The following PSD4 variants were observed in gnomAD, a reference collection of about 807,000 sequenced individuals.
PSD4 encodes the protein PH and SEC7 domain-containing protein 4.
A neutral mutation model predicts 112.5 loss-of-function variants in PSD4; 59 were observed. The observed-to-expected ratio is 0.52, with a 90% CI of 0.43 to 0.65. The LOEUF is 0.65. PSD4 is among the 30% of genes least tolerant of loss of function. PSD4 has a pLI of 0.00. For synonymous variants in PSD4, 533 were observed against 540.0 expected, an observed-to-expected ratio of 0.99 and a Z score of 0.18; for missense variants, 1,267 against 1,352.6, an observed-to-expected ratio of 0.94 and a Z score of 0.99.
rs116552229 is a variant in PSD4, at chr2:113,176,905, G to A, written c.-112+2851G>A. The stretch of plus-strand genomic sequence containing the variant: ...CAGACCGCCCTCACCTGGGTGACCG[G>A]TAGGACTGCCTTTTTGGCCTTAGGA... On this transcript the variant is annotated intron_variant, in intron 1 of 16. Coordinates refer to ENST00000245796, the MANE Select transcript of PSD4 (RefSeq NM_012455.3). 7.9e-3 allele frequency among the ~76,000 whole-genome samples: 1,198 copies of A among 152,282 alleles called. 20 individuals are homozygous for A. Among genetic ancestry groups the A allele is most frequent in the African/African-American group, 0.027 (1,116 of 41,546 alleles).
chr2:113,186,394 A>C (rs1248326951), intron 5 of PSD4, 139 bp downstream of exon 5: 1 of 961,164 alleles, frequency 1.0e-6, no homozygotes. Flanking sequence ...ATGAGTGGGT[A>C]CCAGGAAGAG....
At chr2:113,199,327 G>A (rs1404792984) in intron 16 of PSD4, 101 bp downstream of exon 16, 27 of 1,264,064 alleles carry the variant, frequency 2.1e-5, no homozygotes, top group Non-Finnish European at 2.7e-5. Context: ...ACCGCGCCGG[G>A]GCGGGGAGAG....
chr2:113,198,110 C>A (rs1337260270), intron 14 of PSD4, 197 bp downstream of exon 14: 1 of 688,522 alleles, frequency 1.5e-6, no homozygotes, highest in Non-Finnish European at 2.2e-6. Context: ...CGCCTACTTC[C>A]TCCCCATCCT....
intron 9 of PSD4, 54 bp downstream of exon 9, chr2:113,193,704 GGGA>G (rs1159310077): frequency 1.1e-5 from 18 of 1,583,130 alleles, no homozygotes; most frequent in Middle Eastern, 1.7e-4. Flanking sequence ...AAGGGGTGCG[GGGA>G]GGAGAAGACC....
At position 113,186,755 on chromosome 2, in the gene PSD4, C is replaced by A. The variant is rs186057013; in HGVS notation, c.1628+500C>A. On this transcript the variant is annotated intron_variant, in intron 5 of 16. Transcript: ENST00000245796. Reference sequence around the variant, plus strand: ...CATCAAGTGGAGGTTTGATGGGGACCAAGGGAATGGATCTTGGGGCCCAAC... The same window carrying A: ...CATCAAGTGGAGGTTTGATGGGGACAAAGGGAATGGATCTTGGGGCCCAAC... 2.6e-4 allele frequency among the ~76,000 whole-genome samples: 40 copies of A among 152,212 alleles called. No individual in the cohort carries two copies. In the East Asian group the frequency reaches 7.5e-3, roughly 29 times the overall value.
At position 113,185,839 on chromosome 2, in the gene PSD4, C is replaced by T. The variant is rs377406674; in HGVS notation, c.1250-38C>T. 3,009 of 1,588,370 alleles carry T rather than the reference C, an allele frequency of 1.9e-3. 4 individuals carry two copies. Among genetic ancestry groups the T allele is most frequent in the Non-Finnish European group, 2.3e-3 (2,736 of 1,167,152 alleles). Reference sequence around the variant, plus strand: ...TGGTGCCCAGGCCGTTCTCCTGCCTCCTGCCCTGTGCCCGCCTCACTTCAT... The same window carrying T: ...TGGTGCCCAGGCCGTTCTCCTGCCTTCTGCCCTGTGCCCGCCTCACTTCAT... On this transcript the variant is annotated intron_variant, in intron 4 of 16. Coordinates refer to ENST00000245796, the MANE Select transcript of PSD4 (RefSeq NM_012455.3).
chr2:113,201,371 A>T lies in PSD4; in HGVS notation c.3127A>T (p.Thr1043Ser), dbSNP rs1323452202. 32 of 1,613,918 alleles carry T rather than the reference A, an allele frequency of 2.0e-5. No individual in the cohort carries two copies. Among genetic ancestry groups the T allele is most frequent in the African/African-American group, 2.7e-5 (2 of 74,890 alleles). ...GAAGCGCAACATCTCAGAGCGCAGAACCTACCGGAAGATCATCCCTAAGCG... is the reference window on the plus strand; with the variant it reads ...GAAGCGCAACATCTCAGAGCGCAGATCCTACCGGAAGATCATCCCTAAGCG... ...KVKRNISERR[T>S]YRKIIPKRNR... Residue 1043 changes from threonine (T) to serine (S), a missense_variant, in exon 17 of 17, where the codon ACC becomes TCC. Transcript: ENST00000245796.
intron 8 of PSD4, 78 bp downstream of exon 8, chr2:113,193,448 C>T (rs1688513142): frequency 6.7e-7 from 1 of 1,490,714 alleles, no homozygotes; most frequent in Non-Finnish European, 9.3e-7. Flanking sequence ...CAGTAGGTGA[C>T]AGTGAACTGG....
chr2:113,198,906 G>A (rs1266056723), intron 15 of PSD4, 22 bp downstream of exon 15: 2 of 1,556,264 alleles, frequency 1.3e-6, no homozygotes, highest in Admixed American at 3.8e-5. Context: ...GGGAAGGGGT[G>A]GGGTCCGGCG....
rs1358663455 is a variant in PSD4, at chr2:113,204,980, T to G, written c.*3565T>G. 1.3e-5 allele frequency: 2 copies of G among 152,248 alleles called. No individual in the cohort carries two copies. Among genetic ancestry groups the G allele is most frequent in the Non-Finnish European group, 2.9e-5 (2 of 68,264 alleles). 9.4% of individuals were successfully genotyped at this position (152,248 alleles called of 1,614,324 possible). A position where few individuals can be genotyped will look rare whatever the true frequency, so the allele number is the denominator to read the frequency against. Reference sequence around the variant, plus strand: ...TGAATGTGCAGTGCAACTTTTTTTTTTTTTTGAGACAGAGTCTCGCTCTGT... The same window carrying G: ...TGAATGTGCAGTGCAACTTTTTTTTGTTTTTGAGACAGAGTCTCGCTCTGT... On this transcript the variant is annotated 3_prime_UTR_variant, in exon 17 of 17. Coordinates refer to ENST00000245796, the MANE Select transcript of PSD4 (RefSeq NM_012455.3).
rs1167229636 is a variant in PSD4 at position 113,182,698 on chromosome 2, A to T, written c.242A>T (p.Gln81Leu). Reference protein sequence around the residue: ...ELTHLGSWVHQDGLEPCQEQT... With the variant: ...ELTHLGSWVHLDGLEPCQEQT... ...ACACACCTGGGGAGCTGGGTCCATC[A>T]GGACGGGCTGGAGCCTTGCCAGGAG... The change falls in exon 2 of 17, where the codon CAG (glutamine) becomes CTG (leucine). Residue 81 changes from glutamine (Q) to leucine (L), a missense_variant. Around this residue, in one of 2 missense-constraint regions of PSD4, gnomAD observed 723 missense variants for 704.0 expected, o/e 1.03. Transcript: ENST00000245796. 1 of 1,609,866 alleles carries T rather than the reference A, an allele frequency of 6.2e-7. No individual in the cohort carries two copies. The highest frequency in any genetic ancestry group is 8.5e-7 in the Non-Finnish European group (1 of 1,177,232).
chr2:113,201,037 C>G, intron 16 of PSD4, 121 bp from the exon 17 acceptor site: 1 of 1,369,732 alleles, frequency 7.3e-7, no homozygotes, highest in Non-Finnish European at 1.0e-6. Flanking sequence ...GTCCAGCCCT[C>G]TTTCTGTCGA....
intron 5 of PSD4, among the ~76,000 whole-genome samples, chr2:113,191,287 T>C (rs1490038734): frequency 6.6e-6 from 1 of 152,200 alleles, no homozygotes; most frequent in African/African-American, 2.4e-5. Flanking sequence ...TTTTCTTTTT[T>C]TTCTTTTAGA....
rs747902999 is a variant in PSD4, at chr2:113,192,606, C to T, written c.1838+17C>T. On this transcript the variant is annotated intron_variant, in intron 6 of 16. Transcript: ENST00000245796. ...GCAGAAGAAGTAAGGGGCTTTGAGC[C>T]TGGGGAAGGCTGGAGGCTGAGGCAG... The T allele has an allele frequency of 1.8e-5, 29 of 1,611,704 alleles. No individual in the cohort carries two copies. The highest frequency in any genetic ancestry group is 2.1e-5 in the Non-Finnish European group (25 of 1,178,444).
At chr2:113,178,720 A>T (rs1688042840) in intron 1 of PSD4, among the ~76,000 whole-genome samples, 1 of 151,900 alleles carries the variant, frequency 6.6e-6, no homozygotes, top group Non-Finnish European at 1.5e-5. Flanking sequence ...ATGGTGAGAG[A>T]AGGTGGGTTG....
At chr2:113,198,096 G>C in intron 14 of PSD4, 183 bp downstream of exon 14, 1 of 772,600 alleles carries the variant, frequency 1.3e-6, no homozygotes, top group Non-Finnish European at 1.9e-6. Flanking sequence ...TGAAGCCCAG[G>C]CATCGCCTAC....
intron 1 of PSD4, among the ~76,000 whole-genome samples, chr2:113,178,110 T>C (rs920768940): frequency 5.3e-5 from 8 of 152,100 alleles, no homozygotes; most frequent in African/African-American, 1.9e-4. Flanking sequence ...CCCAGCTACT[T>C]GGGAGGCTGA....
At chr2:113,198,115 C>A (rs1310355030) in intron 14 of PSD4, 2 of 632,558 alleles carry the variant, frequency 3.2e-6, no homozygotes, top group Admixed American at 3.6e-5. Context: ...ACTTCCTCCC[C>A]ATCCTTGGCC....
chr2:113,196,919 T>A (rs3828189), intron 12 of PSD4, among the ~76,000 whole-genome samples: 63,493 of 152,224 alleles, frequency 0.42, 14,551 homozygotes, highest in East Asian at 0.65. Context: ...CACCAACATG[T>A]CCAGAGTGGT....
Sources: gnomAD v4.1 joint callset for allele counts (sites outside exome capture counted in the v4.1 genomes callset) on GRCh38, gnomAD v4.1.1 for gene constraint, gnomAD v4.1.1 regional missense constraint, MANE v1.5 for transcripts, NCBI Gene and HGNC (gene_info 2026-07-23, HGNC 2026-07-21) for gene names.